The following CHN2 variants were observed in gnomAD, a reference collection of about 807,000 sequenced individuals.
CHN2 encodes the protein beta-chimaerin.
In CHN2, 35 loss-of-function variants were observed where a neutral mutation model predicts 56.3. The ratio of observed to expected loss-of-function variants is 0.62; its 90% CI spans 0.47 to 0.82. The LOEUF (loss-of-function observed/expected upper bound fraction) is 0.82. CHN2 is among the 40% of genes least tolerant of loss of function. The probability of loss-of-function intolerance (pLI) is 0.00; values close to 1 mark genes in which losing one functional copy is unlikely to be tolerated. For missense variants in CHN2, 491 were observed against 580.5 expected (o/e 0.85, Z 1.58); for synonymous variants, 210 against 212.8 (o/e 0.99, Z 0.12).
chr7:29,399,787 C>T (rs567203953), intron 5 of CHN2, among the ~76,000 whole-genome samples: 10 of 152,236 alleles, frequency 6.6e-5, no homozygotes, highest in South Asian at 4.1e-4. Context: ...ATTATGAGGA[C>T]GAACTTAAAA....
chr7:29,328,360 T>C (rs2128900941), intron 1 of CHN2, among the ~76,000 whole-genome samples: 1 of 152,262 alleles, frequency 6.6e-6, no homozygotes, highest in African/African-American at 2.4e-5. Flanking sequence ...TTCCCCTTAG[T>C]CTCAAGCCGA....
chr7:29,333,928 T>C lies in CHN2; in HGVS notation c.50-20697T>C, dbSNP rs114556947. ...AATGCGCAGTGCTGTGTGCATGGAG[T>C]CCTGCAGTTCTGGACATTTTGAAGA... On this transcript the variant is annotated intron_variant, in intron 1 of 12. Coordinates refer to ENST00000222792, the MANE Select transcript of CHN2 (RefSeq NM_004067.4). Among the ~76,000 whole-genome samples, 1,312 of 152,096 alleles carry C rather than the reference T, an allele frequency of 8.6e-3. 19 individuals carry two copies. Among genetic ancestry groups the C allele is most frequent in the African/African-American group, 0.03 (1,236 of 41,480 alleles).
intron 1 of CHN2, among the ~76,000 whole-genome samples, chr7:29,335,126 A>T (rs1796519240): frequency 6.6e-6 from 1 of 152,212 alleles, no homozygotes; most frequent in Non-Finnish European, 1.5e-5. Flanking sequence ...AGAACAGAGC[A>T]TGCCTTCTTT....
At chr7:29,274,081 G>A (rs1045120491) in intron 1 of CHN2, among the ~76,000 whole-genome samples, 3 of 152,152 alleles carry the variant, frequency 2.0e-5, no homozygotes, top group Non-Finnish European at 4.4e-5. Flanking sequence ...TGGGCATGGT[G>A]TCCCAAGCAA....
intron 1 of CHN2, among the ~76,000 whole-genome samples, chr7:29,283,922 CTTTTTTTTTTTTT>C (rs70980520): frequency 4.1e-4 from 29 of 70,004 alleles, no homozygotes; most frequent in South Asian, 9.7e-4. Flanking sequence ...CAGCCAAGCT[CTTTTTTTTTTTTT>C]TTTTTTTTTT....
intron 7 of CHN2, among the ~76,000 whole-genome samples, chr7:29,494,628 G>A (rs1375177274): frequency 1.3e-5 from 2 of 152,076 alleles, no homozygotes; most frequent in African/African-American, 2.4e-5. Flanking sequence ...TTTCAAAGCA[G>A]GAACTATATA....
intron 1 of CHN2, among the ~76,000 whole-genome samples, chr7:29,229,580 G>T (rs1014474750): frequency 6.6e-6 from 1 of 152,180 alleles, no homozygotes; most frequent in Non-Finnish European, 1.5e-5. Flanking sequence ...ATTTGCTACA[G>T]CTGTGTTTTG....
chr7:29,436,281 C>G (rs1783217839), intron 6 of CHN2, among the ~76,000 whole-genome samples: 1 of 152,138 alleles, frequency 6.6e-6, no homozygotes, highest in Non-Finnish European at 1.5e-5. Flanking sequence ...ACCAGTAAGA[C>G]TAGGGAGCAT....
At chr7:29,471,161 T>C (rs1785992127) in intron 6 of CHN2, among the ~76,000 whole-genome samples, 1 of 152,232 alleles carries the variant, frequency 6.6e-6, no homozygotes, top group African/African-American at 2.4e-5. Context: ...ACTAAGACTT[T>C]TAAAGTTCGT....
intron 6 of CHN2, among the ~76,000 whole-genome samples, chr7:29,445,406 G>T (rs1483233650): frequency 6.6e-6 from 1 of 152,178 alleles, no homozygotes; most frequent in Admixed American, 6.5e-5. Context: ...CACCAAAAAT[G>T]TGTTGGTACA....
At chr7:29,180,904 A>G (rs1797989500) in intron 2 of CHN2, among the ~76,000 whole-genome samples, 1 of 152,238 alleles carries the variant, frequency 6.6e-6, no homozygotes, top group African/African-American at 2.4e-5. Context: ...AATTGAAAAG[A>G]GTACGTAAGA....
At chr7:29,453,050 A>G (rs1784513836) in intron 6 of CHN2, among the ~76,000 whole-genome samples, 1 of 152,224 alleles carries the variant, frequency 6.6e-6, no homozygotes, top group African/African-American at 2.4e-5. Flanking sequence ...GGTTGTTGAC[A>G]CTGATTCTTC....
intron 11 of CHN2, among the ~76,000 whole-genome samples, chr7:29,507,775 A>G (rs1022461971): frequency 6.6e-6 from 1 of 152,166 alleles, no homozygotes; most frequent in African/African-American, 2.4e-5. Context: ...AAAATATACT[A>G]ACATTAATGA....
At chr7:29,319,965 T>G (rs1398296061) in intron 1 of CHN2, among the ~76,000 whole-genome samples, 8 of 152,168 alleles carry the variant, frequency 5.3e-5, no homozygotes, top group Non-Finnish European at 8.8e-5. Flanking sequence ...GACTCTTTAC[T>G]AGAGAAAAAT....
At position 29,333,900 on chromosome 7, in the gene CHN2, G is replaced by A. The variant is rs535065671; in HGVS notation, c.50-20725G>A. Among the ~76,000 whole-genome samples, 5 of 152,204 alleles carry A rather than the reference G, an allele frequency of 3.3e-5. No individual in the cohort carries two copies. In the East Asian group the frequency reaches 9.6e-4, roughly 29 times the overall value. Reference sequence around the variant, plus strand: ...TGGTGAGAAAAGGTAGATGATGATAGAAAATGCGCAGTGCTGTGTGCATGG... The same window carrying A: ...TGGTGAGAAAAGGTAGATGATGATAAAAAATGCGCAGTGCTGTGTGCATGG... On this transcript the variant is annotated intron_variant, in intron 1 of 12. Transcript: ENST00000222792.
intron 2 of CHN2, among the ~76,000 whole-genome samples, chr7:29,154,830 G>A (rs1374948097): frequency 1.3e-5 from 2 of 152,128 alleles, no homozygotes; most frequent in African/African-American, 4.8e-5. Context: ...GTGAGACTCC[G>A]TGTATTAGTC....
At chr7:29,389,296 T>C (rs1801176885) in intron 3 of CHN2, among the ~76,000 whole-genome samples, 1 of 152,270 alleles carries the variant, frequency 6.6e-6, no homozygotes, top group South Asian at 2.1e-4. Flanking sequence ...CCCCGTTTAC[T>C]TACTGGTCTT....
chr7:29,195,186 C>T (rs1045921567), intron 1 of CHN2, 196 bp downstream of exon 1: 1 of 511,210 alleles, frequency 2.0e-6, no homozygotes, highest in Non-Finnish European at 3.3e-6. Context: ...TGACATCTGA[C>T]AGCGCAGAGG....
chr7:29,318,945 C>T (rs1299406157), intron 1 of CHN2, among the ~76,000 whole-genome samples: 1 of 152,164 alleles, frequency 6.6e-6, no homozygotes, highest in African/African-American at 2.4e-5. Flanking sequence ...CTTATAGCTC[C>T]TGGAAGCTCC....
Sources: gnomAD v4.1 joint callset for allele counts (sites outside exome capture counted in the v4.1 genomes callset) on GRCh38, gnomAD v4.1.1 for gene constraint, MANE v1.5 for transcripts, NCBI Gene and HGNC (gene_info 2026-07-23, HGNC 2026-07-21) for gene names.